The following ABCA6 variants were observed in gnomAD, a reference collection of about 807,000 sequenced individuals.
The protein encoded by ABCA6 is ATP binding cassette subfamily A member 6, also known as ATP-binding cassette sub-family A member 6.
ABCA6 carries 164 observed loss-of-function variants against 191.2 expected under a neutral mutation model. The ratio of observed to expected loss-of-function variants is 0.86; its 90% confidence interval spans 0.76 to 0.98. The LOEUF (loss-of-function observed/expected upper bound fraction) is 0.98. Ranked by LOEUF, ABCA6 falls within the 50% of genes least tolerant of loss-of-function variation. The probability of loss-of-function intolerance (pLI) is 0.00; values close to 1 mark genes in which losing one functional copy is unlikely to be tolerated. For missense variants in ABCA6, 1,958 were observed against 1,894.1 expected, an observed-to-expected ratio of 1.03 and a Z score of -0.63; for synonymous variants, 636 against 647.7, an observed-to-expected ratio of 0.98 and a Z score of 0.27.
At chr17:69,135,320 C>T (rs936741377) in intron 4 of ABCA6, 3 of 152,606 alleles carry the variant, frequency 2.0e-5, no homozygotes, top group Non-Finnish European at 4.4e-5. Context: ...CACTCTGCTC[C>T]AGCCATAATG....
chr17:69,113,502 TAGC>T, intron 14 of ABCA6, 113 bp downstream of exon 14: 1 of 1,547,932 alleles, frequency 6.5e-7, no homozygotes, highest in Non-Finnish European at 8.8e-7. Context: ...TAGTTAAACA[TAGC>T]AGGTTCTCTC....
In ABCA6 at chr17:69,117,045, TAAAG is replaced by T. The variant is rs142747375; in HGVS notation, c.1495+849_1495+852del. Among the ~76,000 whole-genome samples, 1,416 of 152,132 alleles carry T rather than the reference TAAAG, an allele frequency of 9.3e-3. 14 individuals are homozygous for T. Among genetic ancestry groups the T allele is most frequent in the African/African-American group, 0.031 (1,302 of 41,554 alleles). On this transcript the variant is annotated intron_variant, in intron 11 of 38. Coordinates refer to ENST00000284425, the MANE Select transcript of ABCA6 (RefSeq NM_080284.3). The stretch of plus-strand genomic sequence containing the variant: ...ATTTCAGTATCTCCTGAGCTAACAT[TAAAG>T]AAAGAAATCACAGCTCTAGATGGTA...
At chr17:69,137,581 A>C (rs2073969937) in intron 2 of ABCA6, 81 bp from the exon 3 acceptor site, 2 of 1,318,712 alleles carry the variant, frequency 1.5e-6, no homozygotes, top group Non-Finnish European at 1.0e-6. Flanking sequence ...ATACTGTTGA[A>C]AACAAATTCC....
chr17:69,089,830 T>TTATTACTGAAACAGTAATATGC (rs2072886367), intron 26 of ABCA6, among the ~76,000 whole-genome samples: 2 of 152,218 alleles, frequency 1.3e-5, no homozygotes, highest in Non-Finnish European at 1.5e-5. Context: ...GAAGCATATG[T>TTATTACTGAAACAGTAATATGC]TATTACTGAA....
Position 69,084,418 on chromosome 17 carries a change from C to T in ABCA6, c.4260+14G>A. 2 of 1,614,132 alleles carry T rather than the reference C, an allele frequency of 1.2e-6. No individual in the cohort carries two copies. The highest frequency in any genetic ancestry group is 2.2e-5 in the East Asian group (1 of 44,878). On this transcript the variant is annotated intron_variant, in intron 33 of 38. Transcript: ENST00000284425. ...CACACCAGCTCTCCATAGAGCATCA[C>T]ACACCGCACGTACCTTTCTCGTGAT...
chr17:69,092,074 T>C (rs2072937442), intron 25 of ABCA6, among the ~76,000 whole-genome samples: 1 of 152,216 alleles, frequency 6.6e-6, no homozygotes, highest in African/African-American at 2.4e-5. Flanking sequence ...TGAGATTGTG[T>C]ATTTTTATTG....
chr17:69,119,340 C>T (rs533947464), intron 10 of ABCA6, among the ~76,000 whole-genome samples: 6 of 152,182 alleles, frequency 3.9e-5, no homozygotes, highest in East Asian at 3.9e-4. Context: ...GATTCATCAC[C>T]CATCCAACCT....
intron 22 of ABCA6, 136 bp downstream of exon 22, chr17:69,100,661 C>T (rs952662967): frequency 3.2e-6 from 3 of 938,076 alleles, no homozygotes; most frequent in East Asian, 6.0e-5. Context: ...TTTGCTATAA[C>T]CCATTGAAAA....
At chr17:69,125,846 A>G (rs1288016516) in intron 8 of ABCA6, among the ~76,000 whole-genome samples, 1 of 152,204 alleles carries the variant, frequency 6.6e-6, no homozygotes, top group East Asian at 1.9e-4. Context: ...TGATCAATAT[A>G]ATAGACACAG....
At chr17:69,083,901 A>T (rs1026548139) in intron 34 of ABCA6, among the ~76,000 whole-genome samples, 1 of 152,200 alleles carries the variant, frequency 6.6e-6, no homozygotes, top group South Asian at 2.1e-4. Context: ...AGGAAAAAAA[A>T]CAAACAGGAA....
chr17:69,084,363 G>A lies in ABCA6; in HGVS notation c.4261-8C>T. ...GCTCAGCACAAAACACAACTGCAAT[G>A]TAGAAAAACACCCCTGTTTGCTGCC... On this transcript the variant is annotated splice_polypyrimidine_tract_variant and splice_region_variant and intron_variant, in intron 33 of 38. Coordinates refer to ENST00000284425, the MANE Select transcript of ABCA6 (RefSeq NM_080284.3). 6.2e-7 allele frequency: 1 copy of A among 1,614,150 alleles called. No individual in the cohort carries two copies. Among genetic ancestry groups the A allele is most frequent in the East Asian group, 2.2e-5 (1 of 44,876 alleles).
chr17:69,085,943 T>C (rs567299110), intron 30 of ABCA6, among the ~76,000 whole-genome samples: 1 of 152,284 alleles, frequency 6.6e-6, no homozygotes, highest in African/African-American at 2.4e-5. Flanking sequence ...TCTGTCCTTT[T>C]CCCCCCAGAT....
intron 27 of ABCA6, 23 bp from the exon 28 acceptor site, chr17:69,088,281 A>C (rs1406793649): frequency 5.3e-6 from 8 of 1,510,802 alleles, no homozygotes; most frequent in South Asian, 1.2e-5. Context: ...AAATACAGTT[A>C]TATTTAGGCA....
intron 30 of ABCA6, among the ~76,000 whole-genome samples, chr17:69,086,037 AC>A (rs557082835): frequency 5.8e-4 from 89 of 152,226 alleles, no homozygotes; most frequent in African/African-American, 1.9e-3. Context: ...TGATTCTCAA[AC>A]TTGAGAAGTT....
At position 69,086,666 on chromosome 17, in the gene ABCA6, T is replaced by A. The variant is rs148324916; in HGVS notation, c.3889A>T (p.Arg1297Trp). ...TTTCTTGCTGCTATTTTCTTCTTCC[T>A]CTTTGAAAAGCAACTTTTCTTCTGG... ...AGQKKSCFSK[R>W]KKKIAARNIS... Residue 1297 changes from arginine (R) to tryptophan (W), a missense_variant, in exon 30 of 39, where the codon AGG (arginine) becomes TGG (tryptophan). Transcript: ENST00000284425. 1.3e-5 allele frequency: 21 copies of A among 1,613,074 alleles called. No homozygotes were observed. In the African/African-American group the frequency reaches 2.5e-4, roughly 19 times the overall value.
intron 10 of ABCA6, among the ~76,000 whole-genome samples, chr17:69,121,436 G>C (rs553559655): frequency 7.0e-6 from 1 of 143,420 alleles, no homozygotes; most frequent in South Asian, 2.3e-4. Flanking sequence ...CCCCACAATG[G>C]AGCCAAAAGC....
intron 6 of ABCA6, 148 bp from the exon 7 acceptor site, chr17:69,129,899 T>C (rs2144708162): frequency 8.6e-6 from 5 of 579,754 alleles, no homozygotes; most frequent in Admixed American, 3.7e-5. Flanking sequence ...CAGAAGCTCA[T>C]TGCATATCCT....
In ABCA6 at chr17:69,089,447, G is replaced by A. The variant is rs766639337; in HGVS notation, c.3606+18C>T. 5 of 1,610,684 alleles carry A rather than the reference G, an allele frequency of 3.1e-6. No homozygotes were observed. In the East Asian group the frequency reaches 6.7e-5, roughly 22 times the overall value. The stretch of plus-strand genomic sequence containing the variant: ...GTCATCCAAAAGAATGTGTGCTGAG[G>A]TGGAAAGCCCTTCTTACTATGAAGC... On this transcript the variant is annotated intron_variant, in intron 27 of 38. Coordinates refer to ENST00000284425, the MANE Select transcript of ABCA6 (RefSeq NM_080284.3).
At chr17:69,081,630 A>G (rs1018627594) in intron 36 of ABCA6, among the ~76,000 whole-genome samples, 4 of 152,228 alleles carry the variant, frequency 2.6e-5, no homozygotes, top group Non-Finnish European at 5.9e-5. Context: ...AACCATAAAT[A>G]GTGGCAAATC....
Sources: gnomAD v4.1 joint callset for allele counts (sites outside exome capture counted in the v4.1 genomes callset) on GRCh38, gnomAD v4.1.1 for gene constraint, MANE v1.5 for transcripts, NCBI Gene and HGNC (gene_info 2026-07-23, HGNC 2026-07-21) for gene names.